SH3KBP1: variants seen among roughly 807,000 people sequenced by gnomAD.
SH3KBP1 encodes SH3 domain containing kinase binding protein 1, also known as SH3 domain-containing kinase-binding protein 1.
SH3KBP1 carries 8 observed loss-of-function variants against 50.1 expected under a neutral mutation model. The ratio of observed to expected loss-of-function variants is 0.16; its 90% CI spans 0.09 to 0.29. The LOEUF is 0.29. Ranked by LOEUF, SH3KBP1 falls within the 10% of genes least tolerant of loss-of-function variation. The pLI, the probability that SH3KBP1 is intolerant of heterozygous loss-of-function variation, is 1.00. For missense variants in SH3KBP1, 377 were observed against 535.2 expected, an observed-to-expected ratio of 0.70 and a Z score of 2.92; for synonymous variants, 227 against 218.6, an observed-to-expected ratio of 1.04 and a Z score of -0.34.
chrX:19,551,051 A>G (rs1235754068), intron 13 of SH3KBP1, among the ~76,000 whole-genome samples: 1 of 111,691 alleles, frequency 9.0e-6, no homozygotes, highest in African/African-American at 3.3e-5. Flanking sequence ...GATGGTTATA[A>G]TAAGTGGTCT....
chrX:19,799,555 G>A (rs1296754662), intron 2 of SH3KBP1: 1 of 1,007,459 alleles, frequency 9.9e-7, no homozygotes, highest in Non-Finnish European at 1.4e-6. Context: ...CCTCCCTCCT[G>A]GCCTACAAAG....
intron 1 of SH3KBP1, among the ~76,000 whole-genome samples, chrX:19,869,841 T>C (rs1213181649): frequency 1.8e-5 from 2 of 112,559 alleles, no homozygotes; most frequent in Non-Finnish European, 3.7e-5. Flanking sequence ...TGAGAACATA[T>C]ACTGGCACAA....
intron 2 of SH3KBP1, among the ~76,000 whole-genome samples, chrX:19,793,291 G>A (rs1454613225): frequency 2.0e-5 from 2 of 99,718 alleles, no homozygotes; most frequent in African/African-American, 8.2e-5. Context: ...GAGCAAGCAA[G>A]ACATTGTCTC....
intron 2 of SH3KBP1, among the ~76,000 whole-genome samples, chrX:19,791,044 C>A (rs1208851576): frequency 1.8e-5 from 2 of 111,267 alleles, no homozygotes; most frequent in Non-Finnish European, 3.8e-5. Flanking sequence ...AAATACACAT[C>A]CCCCTGAGTA....
At chrX:19,741,182 A>G (rs1603169432) in intron 3 of SH3KBP1, among the ~76,000 whole-genome samples, 1 of 112,361 alleles carries the variant, frequency 8.9e-6, no homozygotes, top group Non-Finnish European at 1.9e-5. Context: ...AGGATTAAAC[A>G]CACCAGAAAT....
intron 8 of SH3KBP1, among the ~76,000 whole-genome samples, chrX:19,629,025 C>T (rs1172576671): frequency 3.6e-5 from 4 of 111,511 alleles, no homozygotes; most frequent in Non-Finnish European, 5.7e-5. Context: ...GAGAATCGCA[C>T]GAACCTGGGA....
At chrX:19,588,156 G>A (rs865787586) in intron 12 of SH3KBP1, 6 of 277,849 alleles carry the variant, frequency 2.2e-5, no homozygotes, top group South Asian at 2.0e-4. Flanking sequence ...TTCCTGGCTC[G>A]GGGTTCCATA....
At chrX:19,632,611 C>T (rs1181348359) in intron 7 of SH3KBP1, among the ~76,000 whole-genome samples, 1 of 112,490 alleles carries the variant, frequency 8.9e-6, no homozygotes, top group African/African-American at 3.2e-5. Flanking sequence ...GCATAGATGG[C>T]TGTTCCTCAG....
chrX:19,797,029 T>A (rs1038288239), intron 2 of SH3KBP1, among the ~76,000 whole-genome samples: 2 of 112,691 alleles, frequency 1.8e-5, no homozygotes, highest in Non-Finnish European at 3.7e-5. Context: ...GCATTTACTA[T>A]GCATCTAGAA....
intron 7 of SH3KBP1, among the ~76,000 whole-genome samples, chrX:19,635,379 T>C (rs1427397140): frequency 1.1e-5 from 1 of 94,055 alleles, no homozygotes; most frequent in Non-Finnish European, 2.1e-5. Flanking sequence ...TGAGAATACA[T>C]GGACACAGAG....
At chrX:19,872,252 C>CAAAAAAAAAAAAAAAAAAAAAAAAA (rs67033348) in intron 1 of SH3KBP1, among the ~76,000 whole-genome samples, 5 of 37,964 alleles carry the variant, frequency 1.3e-4, no homozygotes, top group Non-Finnish European at 1.8e-4. Context: ...AACTTCATCT[C>CAAAAAAAAAAAAAAAAAAAAAAAAA]AAAAAAAAAA....
chrX:19,842,351 C>T lies in SH3KBP1; in HGVS notation c.5-6069G>A, dbSNP rs753981458. Among the ~76,000 whole-genome samples, 7 of 110,919 alleles carry T rather than the reference C, an allele frequency of 6.3e-5. No individual in the cohort carries two copies. In the East Asian group the frequency reaches 1.7e-3, roughly 27 times the overall value. ...GACCAGTCTGACCAACATGGTGAAA[C>T]CCTGTCTCTACTAAAAATACAAAAA... On this transcript the variant is annotated intron_variant, in intron 1 of 17. Coordinates refer to ENST00000397821, the MANE Select transcript of SH3KBP1 (RefSeq NM_031892.3).
At chrX:19,549,390 TAA>T (rs1003769171) in intron 14 of SH3KBP1, among the ~76,000 whole-genome samples, 5 of 111,637 alleles carry the variant, frequency 4.5e-5, no homozygotes, top group Non-Finnish European at 7.5e-5. Flanking sequence ...AGGTTTGCAA[TAA>T]AAAGTCATTC....
At chrX:19,607,326 C>T (rs770949372) in intron 9 of SH3KBP1, among the ~76,000 whole-genome samples, 2 of 112,634 alleles carry the variant, frequency 1.8e-5, no homozygotes, top group Non-Finnish European at 3.8e-5. Context: ...TTTCTTATTA[C>T]ATCGTCAGCA....
chrX:19,769,106 G>T (rs1160260080), intron 2 of SH3KBP1, among the ~76,000 whole-genome samples: 42 of 94,661 alleles, frequency 4.4e-4, no homozygotes, highest in Non-Finnish European at 8.1e-4. Context: ...TTGAGACAGG[G>T]TCTAGCTCTG....
chrX:19,671,933 A>C (rs1042733814), intron 6 of SH3KBP1, among the ~76,000 whole-genome samples: 2 of 112,103 alleles, frequency 1.8e-5, no homozygotes, highest in African/African-American at 3.2e-5. Flanking sequence ...GTTTCAGTTA[A>C]CTATGGTTAA....
chrX:19,741,519 C>CA (rs768556725), intron 3 of SH3KBP1, among the ~76,000 whole-genome samples: 29 of 111,724 alleles, frequency 2.6e-4, no homozygotes, highest in Non-Finnish European at 4.3e-4. Flanking sequence ...AATAATATAG[C>CA]AAAAAATAGT....
chrX:19,554,347 T>TTAAAA (rs1569279349), intron 13 of SH3KBP1, among the ~76,000 whole-genome samples: 2 of 89,200 alleles, frequency 2.2e-5, no homozygotes, highest in African/African-American at 9.1e-5. Context: ...ATATATCATA[T>TTAAAA]TAATATATTA....
intron 2 of SH3KBP1, among the ~76,000 whole-genome samples, chrX:19,781,731 G>A (rs781329415): frequency 1.8e-5 from 2 of 111,312 alleles, no homozygotes; most frequent in Admixed American, 9.6e-5. Flanking sequence ...AAATGGGCAT[G>A]AAGGATGTGG....
Sources: allele counts gnomAD v4.1 joint callset (sites outside exome capture counted in the v4.1 genomes callset), GRCh38; gene constraint gnomAD v4.1.1; transcripts MANE v1.5; gene names NCBI Gene and HGNC (gene_info 2026-07-23, HGNC 2026-07-21).